The following CNTNAP2 variants were observed in gnomAD, a reference collection of about 807,000 sequenced individuals.
CNTNAP2 encodes the protein contactin-associated protein-like 2.
CNTNAP2 carries 98 observed loss-of-function variants against 155.2 expected under a neutral mutation model. The observed-to-expected ratio is 0.63, with a 90% CI of 0.54 to 0.75. CNTNAP2 has a LOEUF of 0.75. Ranked by LOEUF, CNTNAP2 falls within the 30% of genes least tolerant of loss-of-function variation. The probability of loss-of-function intolerance (pLI) is 0.00; values close to 1 mark genes in which losing one functional copy is unlikely to be tolerated. For missense variants in CNTNAP2, 1,727 were observed against 1,688.1 expected, an observed-to-expected ratio of 1.02 and a Z score of -0.40; for synonymous variants, 651 against 631.2, an observed-to-expected ratio of 1.03 and a Z score of -0.47.
intron 1 of CNTNAP2, among the ~76,000 whole-genome samples, chr7:146,181,993 C>A (rs182519471): frequency 6.6e-6 from 1 of 152,042 alleles, no homozygotes; most frequent in African/African-American, 2.4e-5. Flanking sequence ...CTTATTATTT[C>A]TGGAATATAT....
chr7:147,857,971 A>G (rs1163451358), intron 13 of CNTNAP2, among the ~76,000 whole-genome samples: 1 of 152,220 alleles, frequency 6.6e-6, no homozygotes, highest in Non-Finnish European at 1.5e-5. Flanking sequence ...AGTTCTAACT[A>G]CACAGTACGA....
intron 1 of CNTNAP2, among the ~76,000 whole-genome samples, chr7:146,210,662 A>C (rs1799020149): frequency 6.6e-6 from 1 of 152,154 alleles, no homozygotes; most frequent in African/African-American, 2.4e-5. Flanking sequence ...CTATATCATA[A>C]ATCAAGTAAT....
chr7:147,935,433 C>A (rs1800588023), intron 14 of CNTNAP2, among the ~76,000 whole-genome samples: 1 of 152,110 alleles, frequency 6.6e-6, no homozygotes, highest in South Asian at 2.1e-4. Flanking sequence ...CCGAGTAAAT[C>A]TTTCTTTAAA....
intron 4 of CNTNAP2, among the ~76,000 whole-genome samples, chr7:147,094,897 T>A (rs1225174495): frequency 6.6e-6 from 1 of 152,204 alleles, no homozygotes; most frequent in Non-Finnish European, 1.5e-5. Flanking sequence ...TTCTAATGTC[T>A]GAGAAGTCCA....
chr7:148,010,762 C>T (rs1317774694), intron 15 of CNTNAP2, among the ~76,000 whole-genome samples: 1 of 152,020 alleles, frequency 6.6e-6, no homozygotes, highest in Non-Finnish European at 1.5e-5. Context: ...TCTGCCCCCA[C>T]ATATGCACAG....
intron 9 of CNTNAP2, among the ~76,000 whole-genome samples, chr7:147,382,647 A>T (rs73475222): frequency 0.032 from 4,932 of 152,182 alleles, 287 homozygotes; most frequent in African/African-American, 0.11. Context: ...GATTAGAGAC[A>T]TCCTCCCATA....
At chr7:148,385,602 C>T (rs918463953) in intron 22 of CNTNAP2, among the ~76,000 whole-genome samples, 1 of 152,108 alleles carries the variant, frequency 6.6e-6, no homozygotes, top group Admixed American at 6.5e-5. Context: ...CTAGATCCTA[C>T]CTTGGGCCAA....
intron 1 of CNTNAP2, among the ~76,000 whole-genome samples, chr7:146,158,723 C>T (rs1274232464): frequency 6.6e-6 from 1 of 152,100 alleles, no homozygotes; most frequent in Non-Finnish European, 1.5e-5. Context: ...AACAAAGCTT[C>T]CAAGAAATAT....
At chr7:147,002,802 C>T (rs1798448672) in intron 3 of CNTNAP2, among the ~76,000 whole-genome samples, 1 of 151,630 alleles carries the variant, frequency 6.6e-6, no homozygotes, top group African/African-American at 2.4e-5. Context: ...GGGCGCTAAT[C>T]CTAATCATGA....
chr7:146,730,831 C>T (rs1801512399), intron 1 of CNTNAP2, among the ~76,000 whole-genome samples: 1 of 152,094 alleles, frequency 6.6e-6, no homozygotes, highest in South Asian at 2.1e-4. Context: ...CCTAAGGATG[C>T]CTTCTATTCT....
At chr7:148,023,168 C>T (rs538230049) in intron 15 of CNTNAP2, among the ~76,000 whole-genome samples, 1 of 152,276 alleles carries the variant, frequency 6.6e-6, no homozygotes, top group East Asian at 1.9e-4. Context: ...TCCAATATCT[C>T]CATTGTTTCC....
chr7:147,476,881 T>G (rs1003390735), intron 10 of CNTNAP2, among the ~76,000 whole-genome samples: 8 of 147,154 alleles, frequency 5.4e-5, no homozygotes, highest in African/African-American at 2.0e-4. Context: ...TGAGCTGAGA[T>G]CATCCCACTG....
intron 11 of CNTNAP2, among the ~76,000 whole-genome samples, chr7:147,512,937 T>C (rs1365343773): frequency 6.6e-6 from 1 of 152,092 alleles, no homozygotes; most frequent in Non-Finnish European, 1.5e-5. Flanking sequence ...GCTATGTTGT[T>C]TGACAGAGAA....
intron 13 of CNTNAP2, among the ~76,000 whole-genome samples, chr7:147,891,677 A>C (rs1799696992): frequency 6.6e-6 from 1 of 152,204 alleles, no homozygotes. Context: ...AAAAAACAAC[A>C]TCTACCTGGA....
In CNTNAP2 at chr7:146,760,409, C is replaced by CTTTTTTTTTTTTTTTTTTTTTT. The variant is rs532820418; in HGVS notation, c.98-13850_98-13829dup. 8.0e-4 allele frequency among the ~76,000 whole-genome samples: 45 copies of CTTTTTTTTTTTTTTTTTTTTTT among 56,298 alleles called. 6 individuals are homozygous for CTTTTTTTTTTTTTTTTTTTTTT. Among genetic ancestry groups the CTTTTTTTTTTTTTTTTTTTTTT allele is most frequent in the East Asian group, 1.6e-3 (2 of 1,240 alleles). 36.9% of individuals were successfully genotyped at this position (56,298 alleles called of 152,430 possible). On this transcript the variant is annotated intron_variant, in intron 1 of 23. Transcript: ENST00000361727. Reference sequence around the variant, plus strand: ...CACCTCTGTATCATCTCCAATTTACCTTTTTTTTTTTTTTTTTTTTTTTTT... The same window carrying CTTTTTTTTTTTTTTTTTTTTTT: ...CACCTCTGTATCATCTCCAATTTACCTTTTTTTTTTTTTTTTTTTTTTTTTTTTTTTTTTTTTTTTTTTTTTT...
chr7:146,697,167 A>C (rs111966583), intron 1 of CNTNAP2, among the ~76,000 whole-genome samples: 3 of 151,874 alleles, frequency 2.0e-5, no homozygotes, highest in African/African-American at 7.3e-5. Flanking sequence ...GTATTTTGAC[A>C]CTCCATTAGG....
At chr7:147,146,652 A>C (rs1801710092) in intron 8 of CNTNAP2, 1 of 152,394 alleles carries the variant, frequency 6.6e-6, no homozygotes. Context: ...AAAGTGATCC[A>C]GTTGCACAGC....
At chr7:146,460,774 C>A (rs1185026117) in intron 1 of CNTNAP2, among the ~76,000 whole-genome samples, 2 of 152,024 alleles carry the variant, frequency 1.3e-5, no homozygotes, top group Non-Finnish European at 2.9e-5. Flanking sequence ...AAAAAGTGAA[C>A]TTACAGAAGT....
At chr7:148,348,158 C>T (rs1212762328) in intron 21 of CNTNAP2, among the ~76,000 whole-genome samples, 1 of 152,154 alleles carries the variant, frequency 6.6e-6, no homozygotes, top group Non-Finnish European at 1.5e-5. Context: ...GAGCTCTGCT[C>T]CCGGCCACCC....
Sources: gnomAD v4.1 joint callset for allele counts (sites outside exome capture counted in the v4.1 genomes callset) on GRCh38, gnomAD v4.1.1 for gene constraint, MANE v1.5 for transcripts, NCBI Gene and HGNC (gene_info 2026-07-23, HGNC 2026-07-21) for gene names.